Variants in KLRG2 observed in about 807,000 individuals in gnomAD.
The protein encoded by KLRG2 is killer cell lectin like receptor G2, also known as killer cell lectin-like receptor subfamily G member 2.
In KLRG2, 39 loss-of-function variants were observed where a neutral mutation model predicts 35.4. That is an observed-to-expected ratio of 1.10 (90% confidence interval 0.85 to 1.44). KLRG2 has a LOEUF of 1.44. KLRG2 is among the 40% of genes most tolerant of loss of function. KLRG2 has a pLI of 0.00. For missense variants in KLRG2, 632 were observed against 570.9 expected, an observed-to-expected ratio of 1.11 and a Z score of -1.09; for synonymous variants, 283 against 265.8, an observed-to-expected ratio of 1.06 and a Z score of -0.63.
At chr7:139,451,335 AC>A (rs1796372519), downstream of KLRG2, among the ~76,000 whole-genome samples, 1 of 152,062 alleles carries the variant, frequency 6.6e-6, no homozygotes, top group South Asian at 2.1e-4. Context: ...CCCCATCTCT[AC>A]TAAAAATGCA....
Position 139,483,063 on chromosome 7 carries a change from C to G in KLRG2, c.580G>C (p.Glu194Gln), listed in dbSNP as rs1206513659. The change falls in exon 1 of 5, where the codon GAG becomes CAG. Residue 194 changes from glutamate to glutamine, a missense_variant. Coordinates refer to ENST00000340940, the MANE Select transcript of KLRG2 (RefSeq NM_198508.4). ...RRSPLAAART[E>Q]SGCDAEGRAS... ...CGGCCCTCTGCGTCGCAGCCGCTCT[C>G]CGTCCGGGCTGCAGCCAGCGGCGAG... 8.7e-6 allele frequency: 12 copies of G among 1,387,212 alleles called. No homozygotes were observed. In the Admixed American group the frequency reaches 3.4e-4, roughly 39 times the overall value. 85.9% of individuals were successfully genotyped at this position (1,387,212 alleles called of 1,614,324 possible).
intron 4 of KLRG2, 62 bp downstream of exon 4, chr7:139,454,049 G>A: frequency 9.6e-7 from 1 of 1,037,444 alleles, no homozygotes; most frequent in South Asian, 1.4e-5. Context: ...AGGAGGTGGA[G>A]TCTGGGGAGA....
rs1456542232 is a variant in KLRG2, at chr7:139,483,402, G to A, written c.241C>T (p.Pro81Ser). 8 of 1,540,784 alleles carry A rather than the reference G, an allele frequency of 5.2e-6. No individual in the cohort carries two copies. In the African/African-American group the frequency reaches 8.5e-5, roughly 16 times the overall value. The change falls in exon 1 of 5, where the codon CCG becomes TCG. Residue 81 changes from proline to serine, a missense_variant. Coordinates refer to ENST00000340940, the MANE Select transcript of KLRG2 (RefSeq NM_198508.4). ...ACCCCGTAGCCCAGGCTGAGCGGCGGCACGCGCGGGGACCCGGGGCGAGGC... is the reference window on the plus strand; with the variant it reads ...ACCCCGTAGCCCAGGCTGAGCGGCGACACGCGCGGGGACCCGGGGCGAGGC... The part of the protein sequence containing the change: ...PSPRPGSPRV[P>S]PLSLGYGVCP...
rs966671617 is a variant in KLRG2, at chr7:139,479,838, C to T, written c.860-66G>A. On this transcript the variant is annotated intron_variant, in intron 2 of 4. Coordinates refer to ENST00000340940, the MANE Select transcript of KLRG2 (RefSeq NM_198508.4). ...GCATTAAATAAACAAAGCCTGGCTG[C>T]TGCCTCAAATGAAGGGGCATGGAAC... 3.1e-5 allele frequency: 48 copies of T among 1,537,492 alleles called. No homozygotes were observed. The African/African-American group carries it at 3.1e-4, about 10-fold the overall frequency.
At chr7:139,476,232 G>A (rs1027238628) in intron 3 of KLRG2, among the ~76,000 whole-genome samples, 7 of 152,152 alleles carry the variant, frequency 4.6e-5, no homozygotes, top group Non-Finnish European at 1.0e-4. Context: ...GCAAAACTCT[G>A]ACTCCACTGA....
intron 1 of KLRG2, 146 bp from the exon 2 acceptor site, chr7:139,480,393 A>G (rs1452555680): frequency 2.0e-6 from 1 of 500,252 alleles, no homozygotes; most frequent in Non-Finnish European, 3.6e-6. Context: ...ATAAACCACA[A>G]CGTTTAAGTT....
In KLRG2 at chr7:139,453,539, G is replaced by C. The variant is rs1461875835; in HGVS notation, c.*48C>G. On this transcript the variant is annotated 3_prime_UTR_variant, in exon 5 of 5. Transcript: ENST00000340940. ...AAGCTCTCAACTGGCCTCCCCTGTA[G>C]GGGGTGCTGCATCTGCCTGGCAGGC... is the stretch of plus-strand genomic sequence containing the variant. The C allele has an allele frequency of 6.4e-7, 1 of 1,555,602 alleles. No individual in the cohort carries two copies. The highest frequency in any genetic ancestry group is 8.7e-7 in the Non-Finnish European group (1 of 1,150,616).
At chr7:139,474,752 C>A (rs955681491) in intron 3 of KLRG2, among the ~76,000 whole-genome samples, 8 of 152,108 alleles carry the variant, frequency 5.3e-5, no homozygotes, top group Non-Finnish European at 7.3e-5. Context: ...CAGAGTGAAA[C>A]TTTGTCTCAA....
the KLRG2 span, among the ~76,000 whole-genome samples, chr7:139,429,421 G>A: frequency 4.0e-5 from 6 of 148,270 alleles, no homozygotes; most frequent in East Asian, 2.0e-4. Context: ...GGTGTTTCTC[G>A]CAGAGGGGGA....
intron 3 of KLRG2, among the ~76,000 whole-genome samples, 165 bp from the exon 4 acceptor site, chr7:139,454,379 C>T (rs1045520793): frequency 6.6e-6 from 1 of 152,200 alleles, no homozygotes; most frequent in Non-Finnish European, 1.5e-5. Context: ...GGATTGGATG[C>T]CTGCTGGGTG....
At chr7:139,427,252 G>A in the KLRG2 span, among the ~76,000 whole-genome samples, 7 of 152,154 alleles carry the variant, frequency 4.6e-5, no homozygotes, top group Non-Finnish European at 1.5e-5. Flanking sequence ...GGGCCTTGGG[G>A]GCTCTAGGGT....
At chr7:139,479,805 G>A (rs750134991) in intron 2 of KLRG2, 33 bp from the exon 3 acceptor site, 1 of 1,601,784 alleles carries the variant, frequency 6.2e-7, no homozygotes, top group South Asian at 1.1e-5. Context: ...TGAGCTGCAG[G>A]GTAAGCTGCA....
the KLRG2 span, among the ~76,000 whole-genome samples, chr7:139,447,492 C>A: frequency 6.6e-6 from 1 of 151,802 alleles, no homozygotes; most frequent in Non-Finnish European, 1.5e-5. Context: ...CTTTCACCAC[C>A]TGGGTTTCAG....
chr7:139,430,318 C>T, the KLRG2 span, among the ~76,000 whole-genome samples: 1 of 151,896 alleles, frequency 6.6e-6, no homozygotes, highest in Non-Finnish European at 1.5e-5. Context: ...AGGAGAATCA[C>T]TTGAATCTGG....
intron 3 of KLRG2, among the ~76,000 whole-genome samples, chr7:139,462,404 G>C (rs1258241101): frequency 1.3e-5 from 2 of 148,962 alleles, no homozygotes; most frequent in South Asian, 4.3e-4. Flanking sequence ...CTCTCTGTGT[G>C]TCTACCCCTT....
chr7:139,482,990 C>T lies in KLRG2; in HGVS notation c.653G>A (p.Cys218Tyr), dbSNP rs1796989246. ...CAGCCCCAGCTCCTTGCAGCGGCAG[C>T]ACGTGGGGGAGCCCGGGGAGCCGGC... The part of the protein sequence containing the change: ...GSAGSPGSPT[C>Y]CRCKELGLEK... Residue 218 changes from cysteine to tyrosine, a missense_variant, in exon 1 of 5, where the codon TGC becomes TAC. By Grantham distance (194) the Cys-to-Tyr change is radical. Coordinates refer to ENST00000340940, the MANE Select transcript of KLRG2 (RefSeq NM_198508.4). The T allele has an allele frequency of 1.4e-6, 2 of 1,397,990 alleles. No individual in the cohort carries two copies. The highest frequency in any genetic ancestry group is 1.5e-5 in the African/African-American group (1 of 66,162). The allele number at this position is 1,397,990 out of a possible 1,614,324, so 86.6% of individuals were successfully genotyped here.
chr7:139,460,960 G>A (rs1416885307), intron 3 of KLRG2, among the ~76,000 whole-genome samples: 2 of 148,744 alleles, frequency 1.3e-5, no homozygotes, highest in Non-Finnish European at 3.0e-5. Context: ...GAGACTCTGT[G>A]TCAATTGAAA....
At chr7:139,431,464 G>A in the KLRG2 span, among the ~76,000 whole-genome samples, 1 of 151,910 alleles carries the variant, frequency 6.6e-6, no homozygotes, top group Non-Finnish European at 1.5e-5. Context: ...TTTAGGCAGG[G>A]TAGCTCAAAA....
chr7:139,479,106 G>A (rs1323263876), intron 3 of KLRG2, among the ~76,000 whole-genome samples: 3 of 151,866 alleles, frequency 2.0e-5, no homozygotes, highest in Admixed American at 6.6e-5. Context: ...ATTTTGAGAC[G>A]GAGCCTTGCT....
Sources: allele counts gnomAD v4.1 joint callset (sites outside exome capture counted in the v4.1 genomes callset), GRCh38; gene constraint gnomAD v4.1.1; transcripts MANE v1.5; gene names NCBI Gene and HGNC (gene_info 2026-07-23, HGNC 2026-07-21).